The following MEGF10 variants were observed in gnomAD, a reference collection of about 807,000 sequenced individuals.
The protein encoded by MEGF10 is multiple EGF like domains 10, also known as multiple epidermal growth factor-like domains protein 10.
In MEGF10, 86 loss-of-function variants were observed where a neutral mutation model predicts 147.5. The ratio of observed to expected loss-of-function variants is 0.58; its 90% confidence interval spans 0.49 to 0.70. MEGF10 has a LOEUF of 0.70. Among genes scored for constraint, MEGF10 ranks in the 30% least tolerant of loss-of-function variants. The pLI, the probability that MEGF10 is intolerant of heterozygous loss-of-function variation, is 0.00. For synonymous variants in MEGF10, 478 were observed against 525.5 expected (o/e 0.91, Z 1.24); for missense variants, 1,329 against 1,487.3 (o/e 0.89, Z 1.75).
At chr5:127,358,537 G>A (rs1304918750) in intron 4 of MEGF10, among the ~76,000 whole-genome samples, 3 of 152,202 alleles carry the variant, frequency 2.0e-5, no homozygotes, top group South Asian at 2.1e-4. Context: ...GTCAGGGCAA[G>A]AGAAATGCCA....
chr5:127,378,008 T>C (rs986536130), intron 5 of MEGF10, among the ~76,000 whole-genome samples: 1 of 152,144 alleles, frequency 6.6e-6, no homozygotes, highest in Non-Finnish European at 1.5e-5. Flanking sequence ...ACCATCCAAA[T>C]AGTTTGATAA....
intron 4 of MEGF10, among the ~76,000 whole-genome samples, chr5:127,360,835 C>CATAT (rs1020605698): frequency 6.6e-6 from 1 of 150,726 alleles, no homozygotes; most frequent in Non-Finnish European, 1.5e-5. Flanking sequence ...TATGAAGGAA[C>CATAT]ATATATATGT....
chr5:127,332,855 C>T (rs1761316748), intron 2 of MEGF10, among the ~76,000 whole-genome samples: 1 of 151,880 alleles, frequency 6.6e-6, no homozygotes, highest in Non-Finnish European at 1.5e-5. Context: ...AGGAAGAGAC[C>T]ATTGGTAGTT....
chr5:127,288,856 T>C (rs1462502302), upstream of MEGF10, among the ~76,000 whole-genome samples: 1 of 152,212 alleles, frequency 6.6e-6, no homozygotes, highest in African/African-American at 2.4e-5. Flanking sequence ...GGCAAACAAA[T>C]TGTGGTATAT....
intron 13 of MEGF10, 108 bp downstream of exon 13, chr5:127,422,880 A>T: frequency 1.2e-6 from 1 of 811,624 alleles, no homozygotes; most frequent in Admixed American, 2.5e-5. Flanking sequence ...TTCAAAAAAA[A>T]TGAAAATTCG....
At chr5:127,229,460 G>A in the MEGF10 span, 1 of 152,056 alleles carries the variant, frequency 6.6e-6, no homozygotes, top group Admixed American at 6.5e-5. Context: ...GCCGGGTCGA[G>A]GCCTCCCGGG....
intron 22 of MEGF10, 44 bp downstream of exon 22, chr5:127,449,266 C>T (rs1233254913): frequency 1.2e-6 from 2 of 1,606,734 alleles, no homozygotes; most frequent in African/African-American, 1.3e-5. Flanking sequence ...CTTGACCTGT[C>T]AGTCCCTGAA....
intron 1 of MEGF10, among the ~76,000 whole-genome samples, chr5:127,296,663 A>T (rs1759516960): frequency 1.3e-5 from 2 of 152,302 alleles, no homozygotes; most frequent in South Asian, 4.1e-4. Flanking sequence ...GGATCTTTTG[A>T]ATACCTTCTG....
chr5:127,372,688 C>T (rs1193996813), intron 5 of MEGF10, among the ~76,000 whole-genome samples: 1 of 152,142 alleles, frequency 6.6e-6, no homozygotes, highest in Admixed American at 6.5e-5. Context: ...CTGTGTTTGT[C>T]TGGTGCTTTT....
At chr5:127,248,097 A>T in the MEGF10 span, among the ~76,000 whole-genome samples, 1 of 152,100 alleles carries the variant, frequency 6.6e-6, no homozygotes, top group African/African-American at 2.4e-5. Context: ...CATATGCGTC[A>T]GTCATTTAGT....
At chr5:127,288,533 C>T (rs1011832155), upstream of MEGF10, among the ~76,000 whole-genome samples, 2 of 152,114 alleles carry the variant, frequency 1.3e-5, no homozygotes, top group African/African-American at 4.8e-5. Flanking sequence ...CAAATTAAAA[C>T]CACGATGTGA....
At chr5:127,315,102 A>T (rs922519212) in intron 1 of MEGF10, among the ~76,000 whole-genome samples, 10 of 152,160 alleles carry the variant, frequency 6.6e-5, no homozygotes, top group African/African-American at 1.9e-4. Flanking sequence ...AGATTAAGGA[A>T]AATGTCAGAG....
intron 5 of MEGF10, among the ~76,000 whole-genome samples, chr5:127,374,236 C>T (rs73344995): frequency 0.035 from 5,256 of 152,276 alleles, 304 homozygotes; most frequent in African/African-American, 0.12. Context: ...CTTTAGGAGC[C>T]AAGAGCACAA....
intron 8 of MEGF10, among the ~76,000 whole-genome samples, chr5:127,405,522 G>T (rs1208673188): frequency 6.6e-6 from 1 of 151,906 alleles, no homozygotes; most frequent in African/African-American, 2.4e-5. Flanking sequence ...GCAAACTCTG[G>T]AGTTATTTAG....
chr5:127,287,946 C>T (rs1580663427), upstream of MEGF10, among the ~76,000 whole-genome samples: 1 of 152,000 alleles, frequency 6.6e-6, no homozygotes, highest in Non-Finnish European at 1.5e-5. Context: ...AATAGACTCA[C>T]TCATCTATGG....
intron 7 of MEGF10, 33 bp downstream of exon 7, chr5:127,398,829 C>T (rs1237524153): frequency 4.3e-6 from 7 of 1,612,352 alleles, no homozygotes; most frequent in Non-Finnish European, 5.9e-6. Context: ...CTGCCCCTGC[C>T]CCAAAGTCAC....
At chr5:127,250,355 A>G in the MEGF10 span, among the ~76,000 whole-genome samples, 1 of 152,036 alleles carries the variant, frequency 6.6e-6, no homozygotes, top group African/African-American at 2.4e-5. Context: ...GACTCAACAC[A>G]AGAAAATCCA....
At chr5:127,251,400 A>G in the MEGF10 span, among the ~76,000 whole-genome samples, 13 of 152,000 alleles carry the variant, frequency 8.6e-5, no homozygotes, top group Non-Finnish European at 1.9e-4. Flanking sequence ...TGCGTAAAAG[A>G]GGGATCATTA....
At chr5:127,388,417 G>A (rs1156644519) in intron 5 of MEGF10, among the ~76,000 whole-genome samples, 2 of 151,974 alleles carry the variant, frequency 1.3e-5, no homozygotes, top group Non-Finnish European at 2.9e-5. Flanking sequence ...CCAAAGTGCT[G>A]GAATTACAAG....
Sources: gnomAD v4.1 joint callset for allele counts (sites outside exome capture counted in the v4.1 genomes callset) on GRCh38, gnomAD v4.1.1 for gene constraint, MANE v1.5 for transcripts, NCBI Gene and HGNC (gene_info 2026-07-23, HGNC 2026-07-21) for gene names.